Variants in RBFOX1 observed in about 807,000 individuals in gnomAD.
RBFOX1 encodes RNA binding protein fox-1 homolog 1.
RBFOX1 carries 8 observed loss-of-function variants against 57.7 expected under a neutral mutation model. The ratio of observed to expected loss-of-function variants is 0.14; its 90% CI spans 0.08 to 0.25. RBFOX1 has a LOEUF of 0.25. Ranked by LOEUF, RBFOX1 falls within the 10% of genes least tolerant of loss-of-function variation. RBFOX1 has a pLI of 1.00. For synonymous variants in RBFOX1, 326 were observed against 222.4 expected, an observed-to-expected ratio of 1.47 and a Z score of -4.15; for missense variants, 611 against 548.5, an observed-to-expected ratio of 1.11 and a Z score of -1.14.
At chr16:6,587,308 G>A (rs1024918630) in intron 2 of RBFOX1, among the ~76,000 whole-genome samples, 11 of 151,632 alleles carry the variant, frequency 7.3e-5, no homozygotes, top group African/African-American at 2.7e-4. Flanking sequence ...TTGAGACAAA[G>A]TCTCACTCTG....
At chr16:5,256,557 A>G (rs1225636125) in intron 1 of RBFOX1, among the ~76,000 whole-genome samples, 1 of 152,086 alleles carries the variant, frequency 6.6e-6, no homozygotes, top group South Asian at 2.1e-4. Context: ...ACATTCTGCT[A>G]TTTGAATGCA....
At chr16:7,316,263 C>T (rs887793670) in intron 4 of RBFOX1, among the ~76,000 whole-genome samples, 1 of 152,198 alleles carries the variant, frequency 6.6e-6, no homozygotes, top group Non-Finnish European at 1.5e-5. Flanking sequence ...TCTGCTTACA[C>T]ATAGCAGACT....
chr16:6,742,399 C>G (rs1009242273), intron 3 of RBFOX1, among the ~76,000 whole-genome samples: 1 of 152,130 alleles, frequency 6.6e-6, no homozygotes. Context: ...CAAAATGACA[C>G]AACTCTTCTG....
At chr16:6,124,056 A>G (rs1266626566) in intron 1 of RBFOX1, among the ~76,000 whole-genome samples, 1 of 152,176 alleles carries the variant, frequency 6.6e-6, no homozygotes, top group Non-Finnish European at 1.5e-5. Context: ...GCTGCCCTCG[A>G]GTGTGAGACA....
intron 3 of RBFOX1, among the ~76,000 whole-genome samples, chr16:6,966,073 T>C (rs572947596): frequency 3.2e-4 from 48 of 152,250 alleles, no homozygotes; most frequent in South Asian, 3.1e-3. Context: ...TTGAAGGTAG[T>C]GATTTTTACT....
At chr16:5,657,213 T>G (rs2049459554) in intron 3 of RBFOX1, among the ~76,000 whole-genome samples, 1 of 152,254 alleles carries the variant, frequency 6.6e-6, no homozygotes, top group Non-Finnish European at 1.5e-5. Flanking sequence ...GAACTCTGGT[T>G]TCACTGACTT....
chr16:5,595,473 A>G (rs569825973), intron 2 of RBFOX1, among the ~76,000 whole-genome samples: 4 of 152,232 alleles, frequency 2.6e-5, no homozygotes, highest in Non-Finnish European at 5.9e-5. Flanking sequence ...CAGAACTTGC[A>G]GGGAAGAGAA....
intron 1 of RBFOX1, among the ~76,000 whole-genome samples, chr16:5,278,764 T>C (rs1204382387): frequency 6.6e-6 from 1 of 152,264 alleles, no homozygotes; most frequent in Non-Finnish European, 1.5e-5. Flanking sequence ...TTTATTTTTG[T>C]AAGTGATGAG....
chr16:7,206,714 A>C (rs2090053961), intron 4 of RBFOX1, among the ~76,000 whole-genome samples: 1 of 152,124 alleles, frequency 6.6e-6, no homozygotes, highest in Non-Finnish European at 1.5e-5. Flanking sequence ...ACGAAGTGAC[A>C]AACAGATGCC....
At chr16:7,583,556 C>G (rs2093933502) in intron 6 of RBFOX1, among the ~76,000 whole-genome samples, 1 of 152,210 alleles carries the variant, frequency 6.6e-6, no homozygotes, top group Admixed American at 6.5e-5. Context: ...CAGACTTCTG[C>G]TACAACAGAT....
chr16:7,227,815 A>T (rs993000154), intron 4 of RBFOX1, among the ~76,000 whole-genome samples: 13 of 152,190 alleles, frequency 8.5e-5, no homozygotes, highest in African/African-American at 3.1e-4. Context: ...CGGCAGCTGC[A>T]TGTGTGGGTA....
intron 3 of RBFOX1, among the ~76,000 whole-genome samples, chr16:6,866,476 A>G (rs1468658532): frequency 6.6e-6 from 1 of 151,342 alleles, no homozygotes; most frequent in East Asian, 1.9e-4. Flanking sequence ...ATATAATGCA[A>G]AAAGTGTGTT....
At chr16:5,248,204 T>G (rs1227565144) in intron 1 of RBFOX1, among the ~76,000 whole-genome samples, 1 of 152,250 alleles carries the variant, frequency 6.6e-6, no homozygotes, top group Admixed American at 6.5e-5. Flanking sequence ...GCACAACAAC[T>G]GGCGTTATGG....
intron 1 of RBFOX1, among the ~76,000 whole-genome samples, chr16:5,323,256 C>T (rs1028274235): frequency 1.3e-5 from 2 of 152,354 alleles, no homozygotes; most frequent in South Asian, 2.1e-4. Flanking sequence ...GTGGCTTTCT[C>T]ACAGTGCTTA....
intron 2 of RBFOX1, among the ~76,000 whole-genome samples, chr16:6,337,752 T>G (rs1463820770): frequency 2.6e-5 from 4 of 152,174 alleles, no homozygotes; most frequent in African/African-American, 9.7e-5. Context: ...ATAAAAGTAT[T>G]AAAGTGACAG....
chr16:5,622,704 A>G (rs1254398941), intron 3 of RBFOX1, among the ~76,000 whole-genome samples: 4 of 152,232 alleles, frequency 2.6e-5, no homozygotes, highest in Non-Finnish European at 2.9e-5. Flanking sequence ...CTTTCCTGCT[A>G]CAATATCAGA....
At chr16:5,721,973 G>C (rs1327464744) in intron 3 of RBFOX1, among the ~76,000 whole-genome samples, 2 of 152,188 alleles carry the variant, frequency 1.3e-5, no homozygotes, top group Non-Finnish European at 2.9e-5. Context: ...TTGACAGTCT[G>C]TGGCATTTTG....
chr16:6,305,050 G>T (rs752695012), intron 1 of RBFOX1, among the ~76,000 whole-genome samples: 2 of 152,208 alleles, frequency 1.3e-5, no homozygotes, highest in Non-Finnish European at 2.9e-5. Flanking sequence ...CTTCCTGTGT[G>T]TGTGTGAGAG....
chr16:7,533,496 T>A (rs945012613), intron 5 of RBFOX1, among the ~76,000 whole-genome samples: 2 of 152,210 alleles, frequency 1.3e-5, no homozygotes, highest in Non-Finnish European at 2.9e-5. Flanking sequence ...TCCCAATAAA[T>A]CCATCACAAG....
Sources: allele counts gnomAD v4.1 joint callset (sites outside exome capture counted in the v4.1 genomes callset), GRCh38; gene constraint gnomAD v4.1.1; transcripts MANE v1.5; gene names NCBI Gene and HGNC (gene_info 2026-07-23, HGNC 2026-07-21).